Variants in RALYL observed in about 807,000 individuals in gnomAD.
The protein encoded by RALYL is RNA-binding Raly-like protein.
In RALYL, 29 loss-of-function variants were observed where a neutral mutation model predicts 35.1. The ratio of observed to expected loss-of-function variants is 0.83; its 90% CI spans 0.61 to 1.13. RALYL has a LOEUF of 1.13. Among genes scored for constraint, RALYL ranks in the 50% most tolerant of loss-of-function variants. The probability of loss-of-function intolerance (pLI) is 0.00; values close to 1 mark genes in which losing one functional copy is unlikely to be tolerated. For missense variants in RALYL, 359 were observed against 360.4 expected (o/e 1.00, Z 0.03); for synonymous variants, 120 against 127.6 (o/e 0.94, Z 0.40).
chr8:84,232,538 G>A (rs1485268400), intron 1 of RALYL, among the ~76,000 whole-genome samples: 3 of 152,070 alleles, frequency 2.0e-5, no homozygotes, highest in Non-Finnish European at 4.4e-5. Context: ...GGTGATTATA[G>A]TTTATAACAA....
intron 4 of RALYL, among the ~76,000 whole-genome samples, chr8:84,844,374 A>G (rs894299110): frequency 4.6e-5 from 7 of 152,252 alleles, no homozygotes; most frequent in Admixed American, 3.3e-4. Context: ...AAAAATGCTC[A>G]CCATCACTGG....
intron 8 of RALYL, among the ~76,000 whole-genome samples, chr8:84,890,111 CAA>C (rs1843573772): frequency 1.3e-5 from 2 of 152,044 alleles, no homozygotes; most frequent in Admixed American, 1.3e-4. Context: ...GTCAAAATCC[CAA>C]AGAGTGTGAA....
At chr8:84,669,035 A>G (rs1005747568) in intron 2 of RALYL, among the ~76,000 whole-genome samples, 2 of 152,172 alleles carry the variant, frequency 1.3e-5, no homozygotes, top group African/African-American at 4.8e-5. Context: ...AATGATTATC[A>G]AGGCCTATTA....
chr8:84,422,005 T>G (rs1271575279), intron 1 of RALYL, among the ~76,000 whole-genome samples: 1 of 152,166 alleles, frequency 6.6e-6, no homozygotes, highest in Non-Finnish European at 1.5e-5. Flanking sequence ...TGGTCTAAAA[T>G]TCTCTTTTTT....
chr8:84,502,780 TTCA>T (rs1301316179), intron 1 of RALYL, among the ~76,000 whole-genome samples: 3 of 151,984 alleles, frequency 2.0e-5, no homozygotes, highest in African/African-American at 7.2e-5. Context: ...AACTTGGAAT[TTCA>T]TCGAGTATTG....
chr8:84,681,693 T>C lies in RALYL; in HGVS notation c.257-92886T>C, dbSNP rs1835537374. ...GTGATTTTTGCACATTGATTTTGTATCCTAACTGTTTGCCGCAGTTGCTTA... is the reference window on the plus strand; with the variant it reads ...GTGATTTTTGCACATTGATTTTGTACCCTAACTGTTTGCCGCAGTTGCTTA... On this transcript the variant is annotated intron_variant, in intron 2 of 8. Transcript: ENST00000521268. Among the ~76,000 whole-genome samples, 5 of 152,342 alleles carry C rather than the reference T, an allele frequency of 3.3e-5. No individual in the cohort carries two copies. The Middle Eastern group carries it at 0.01, about 311-fold the overall frequency.
At position 84,789,135 on chromosome 8, in the gene RALYL, T is replaced by A. The variant is rs146995019; in HGVS notation, c.332+14481T>A. On this transcript the variant is annotated intron_variant, in intron 3 of 8. Transcript: ENST00000521268. ...ACAGAAAAACAGGAGACACATGATG[T>A]ATTCCTAACTCAGAGAATCTATCAT... is the stretch of plus-strand genomic sequence containing the variant. Among the ~76,000 whole-genome samples the A allele has an allele frequency of 4.8e-4, 73 of 152,336 alleles. 1 individual carries two copies. The South Asian group carries it at 9.1e-3, about 19-fold the overall frequency.
chr8:84,648,730 A>T (rs539569341), intron 2 of RALYL, among the ~76,000 whole-genome samples: 50 of 151,724 alleles, frequency 3.3e-4, no homozygotes, highest in Non-Finnish European at 6.3e-4. Flanking sequence ...ATTTTGATGA[A>T]ATTATTAATA....
At chr8:84,601,344 T>A (rs77949232) in intron 2 of RALYL, among the ~76,000 whole-genome samples, 1,554 of 152,082 alleles carry the variant, frequency 0.01, 22 homozygotes, top group African/African-American at 0.036. Context: ...AAAGCTACAA[T>A]GCCTAGGGAA....
chr8:84,530,259 T>A (rs149043853), intron 2 of RALYL, among the ~76,000 whole-genome samples: 3 of 152,282 alleles, frequency 2.0e-5, no homozygotes, highest in African/African-American at 7.2e-5. Context: ...GATGTTTTTC[T>A]ACCTTAGGAA....
chr8:84,836,135 A>G (rs555396031), intron 4 of RALYL, among the ~76,000 whole-genome samples: 1 of 152,352 alleles, frequency 6.6e-6, no homozygotes, highest in African/African-American at 2.4e-5. Flanking sequence ...TTCCAAAATC[A>G]GAAACCCTGT....
chr8:84,467,657 G>T (rs1587545809), intron 1 of RALYL, among the ~76,000 whole-genome samples: 2 of 151,976 alleles, frequency 1.3e-5, no homozygotes, highest in South Asian at 2.1e-4. Flanking sequence ...TGTCTATTAG[G>T]TCCACTTGGT....
intron 1 of RALYL, among the ~76,000 whole-genome samples, chr8:84,239,256 TC>T (rs1399468978): frequency 2.6e-5 from 4 of 152,204 alleles, no homozygotes; most frequent in Non-Finnish European, 4.4e-5. Flanking sequence ...AGCTTATAAT[TC>T]ATCCATGGAC....
At chr8:84,676,420 G>C (rs925203223) in intron 2 of RALYL, among the ~76,000 whole-genome samples, 1 of 151,976 alleles carries the variant, frequency 6.6e-6, no homozygotes, top group Non-Finnish European at 1.5e-5. Context: ...TTTTCCTATA[G>C]ATAGTTTATG....
chr8:84,695,496 TA>T (rs1838942999), intron 2 of RALYL, among the ~76,000 whole-genome samples: 1 of 151,880 alleles, frequency 6.6e-6, no homozygotes, highest in South Asian at 2.1e-4. Flanking sequence ...CTCTTTGATA[TA>T]AACAGATATT....
intron 8 of RALYL, among the ~76,000 whole-genome samples, chr8:84,913,069 T>A (rs1436873643): frequency 6.6e-6 from 1 of 151,682 alleles, no homozygotes; most frequent in Non-Finnish European, 1.5e-5. Context: ...GATAGATAGA[T>A]AGATAGATAG....
chr8:84,777,219 C>T (rs1293346170), intron 3 of RALYL, among the ~76,000 whole-genome samples: 1 of 152,172 alleles, frequency 6.6e-6, no homozygotes, highest in Non-Finnish European at 1.5e-5. Flanking sequence ...GCTCGGTTTT[C>T]AGCCTTCACG....
intron 1 of RALYL, among the ~76,000 whole-genome samples, chr8:84,519,957 G>A (rs970574261): frequency 1.3e-5 from 2 of 152,176 alleles, no homozygotes; most frequent in Admixed American, 1.3e-4. Context: ...CAGTGACACA[G>A]GGTTGCATCT....
chr8:84,490,357 G>A (rs540636381), intron 1 of RALYL, among the ~76,000 whole-genome samples: 1 of 152,010 alleles, frequency 6.6e-6, no homozygotes, highest in Non-Finnish European at 1.5e-5. Flanking sequence ...CCATAGCAAA[G>A]GAGATAATCT....
Sources: allele counts gnomAD v4.1 joint callset (sites outside exome capture counted in the v4.1 genomes callset), GRCh38; gene constraint gnomAD v4.1.1; transcripts MANE v1.5; gene names NCBI Gene and HGNC (gene_info 2026-07-23, HGNC 2026-07-21).